The following PDE7B variants were observed in gnomAD, a reference collection of about 807,000 sequenced individuals.
PDE7B encodes 3',5'-cyclic-AMP phosphodiesterase 7B.
A neutral mutation model predicts 56.2 loss-of-function variants in PDE7B; 29 were observed. The ratio of observed to expected loss-of-function variants is 0.52; its 90% CI spans 0.38 to 0.70. PDE7B has a LOEUF of 0.70. Among genes scored for constraint, PDE7B ranks in the 30% least tolerant of loss-of-function variants. The probability of loss-of-function intolerance (pLI) is 0.00; values close to 1 mark genes in which losing one functional copy is unlikely to be tolerated. For synonymous variants in PDE7B, 197 were observed against 196.9 expected (o/e 1.00, Z 0.00); for missense variants, 490 against 565.0 (o/e 0.87, Z 1.35).
chr6:136,027,877 C>T (rs1776180692), intron 2 of PDE7B, among the ~76,000 whole-genome samples: 1 of 152,176 alleles, frequency 6.6e-6, no homozygotes, highest in Admixed American at 6.5e-5. Flanking sequence ...CTGCCTCAGC[C>T]TCCCAAAGTG....
At chr6:135,951,143 G>A (rs1273192931) in intron 2 of PDE7B, among the ~76,000 whole-genome samples, 2 of 152,184 alleles carry the variant, frequency 1.3e-5, no homozygotes, top group African/African-American at 2.4e-5. Flanking sequence ...TGTAATATAT[G>A]TTGCTTTCTT....
At chr6:136,171,899 G>C (rs540606432) in intron 8 of PDE7B, among the ~76,000 whole-genome samples, 108 of 149,894 alleles carry the variant, frequency 7.2e-4, no homozygotes, top group Non-Finnish European at 1.3e-3. Context: ...TTGGTTTTTT[G>C]TTCTTGCGAT....
intron 3 of PDE7B, among the ~76,000 whole-genome samples, chr6:136,124,048 T>C (rs1777981174): frequency 1.3e-5 from 2 of 152,182 alleles, no homozygotes; most frequent in Non-Finnish European, 2.9e-5. Flanking sequence ...GTTCTCACCA[T>C]CTTAAATCAC....
At chr6:135,877,072 T>G (rs1269645631) in intron 1 of PDE7B, among the ~76,000 whole-genome samples, 1 of 142,436 alleles carries the variant, frequency 7.0e-6, no homozygotes, top group Admixed American at 6.6e-5. Context: ...CATTTGTTCT[T>G]TAAAAAAAAA....
intron 3 of PDE7B, among the ~76,000 whole-genome samples, chr6:136,128,197 G>T (rs17065285): frequency 6.6e-6 from 1 of 152,196 alleles, no homozygotes; most frequent in Admixed American, 6.5e-5. Context: ...CTTAGCACCC[G>T]TGTGCAAATC....
chr6:136,055,142 C>G (rs1362749295), intron 2 of PDE7B, among the ~76,000 whole-genome samples: 1 of 152,196 alleles, frequency 6.6e-6, no homozygotes, highest in Non-Finnish European at 1.5e-5. Flanking sequence ...AAAGGCCAAT[C>G]TAAAATCATT....
intron 1 of PDE7B, among the ~76,000 whole-genome samples, chr6:135,920,575 A>C (rs1464735074): frequency 2.6e-5 from 4 of 152,204 alleles, no homozygotes; most frequent in Admixed American, 2.6e-4. Context: ...TTCCATTCCT[A>C]GAGCAAAGTC....
At chr6:136,037,956 AGAGAGAG>A in intron 2 of PDE7B, 1 of 1,214,010 alleles carries the variant, frequency 8.2e-7, no homozygotes, top group African/African-American at 1.6e-5. Flanking sequence ...ACTCAGTGCC[AGAGAGAG>A]GAGGGGAAAA....
At chr6:136,108,569 C>T (rs575363507) in intron 2 of PDE7B, among the ~76,000 whole-genome samples, 162 bp from the exon 3 acceptor site, 12 of 152,246 alleles carry the variant, frequency 7.9e-5, no homozygotes, top group Admixed American at 6.5e-4. Flanking sequence ...CCTCATTACA[C>T]TCAGTATTAA....
At chr6:136,092,050 T>C (rs1055441782) in intron 2 of PDE7B, among the ~76,000 whole-genome samples, 1 of 152,238 alleles carries the variant, frequency 6.6e-6, no homozygotes, top group Non-Finnish European at 1.5e-5. Context: ...TCCCCGATTA[T>C]CATCCTGTAG....
intron 1 of PDE7B, among the ~76,000 whole-genome samples, chr6:135,884,797 CCA>C (rs913364979): frequency 6.6e-5 from 10 of 152,236 alleles, no homozygotes; most frequent in African/African-American, 2.4e-4. Flanking sequence ...GAACTCAAAT[CCA>C]GTCTTTGTCT....
intron 1 of PDE7B, among the ~76,000 whole-genome samples, chr6:135,872,076 A>G (rs1775392967): frequency 6.6e-6 from 1 of 152,176 alleles, no homozygotes; most frequent in Non-Finnish European, 1.5e-5. Context: ...AGCTCTTCCA[A>G]TTTTTCCTAA....
rs186194756 is a variant in PDE7B at position 136,036,909 on chromosome 6, A to G, written c.83-71822A>G. ...ACCCAATTTGCTGGCAAAAGTGCCA[A>G]ATACAAAACTACCCTACTTTCGTTT... On this transcript the variant is annotated intron_variant, in intron 2 of 12. Coordinates refer to ENST00000308191, the MANE Select transcript of PDE7B (RefSeq NM_018945.4). Among the ~76,000 whole-genome samples the G allele has an allele frequency of 3.6e-4, 55 of 152,332 alleles. 2 individuals are homozygous for G. The Middle Eastern group carries it at 0.01, about 28-fold the overall frequency.
intron 2 of PDE7B, among the ~76,000 whole-genome samples, chr6:136,096,875 CTG>C (rs1380690646): frequency 1.3e-5 from 2 of 152,106 alleles, no homozygotes; most frequent in African/African-American, 4.8e-5. Flanking sequence ...CTCTCTCTCT[CTG>C]TGTCTCTCTC....
chr6:136,061,067 C>T (rs1776830141), intron 2 of PDE7B, among the ~76,000 whole-genome samples: 1 of 151,688 alleles, frequency 6.6e-6, no homozygotes, highest in South Asian at 2.1e-4. Flanking sequence ...TGGCTGGCAC[C>T]CTCTTTTATG....
At chr6:135,999,415 C>A (rs1583819637) in intron 2 of PDE7B, among the ~76,000 whole-genome samples, 1 of 152,070 alleles carries the variant, frequency 6.6e-6, no homozygotes, top group Non-Finnish European at 1.5e-5. Flanking sequence ...TCTCCCTCCT[C>A]TCACCTTCCA....
intron 8 of PDE7B, among the ~76,000 whole-genome samples, chr6:136,160,015 AT>A (rs923232475): frequency 8.5e-5 from 13 of 152,124 alleles, no homozygotes; most frequent in African/African-American, 3.1e-4. Flanking sequence ...AAAATACTTG[AT>A]AATTCAGGCA....
At chr6:136,086,494 T>C (rs1473700801) in intron 2 of PDE7B, among the ~76,000 whole-genome samples, 3 of 152,138 alleles carry the variant, frequency 2.0e-5, no homozygotes, top group African/African-American at 7.2e-5. Context: ...TTTTAAATAT[T>C]CCCTTATTCT....
Position 136,151,258 on chromosome 6 carries a change from A to G in PDE7B, c.478+3A>G. ...GGTGACCTTACACCGATTTTTAGGTAAGTCCTTTTTTTCACATTTCTAGCC... is the reference window on the plus strand; with the variant it reads ...GGTGACCTTACACCGATTTTTAGGTGAGTCCTTTTTTTCACATTTCTAGCC... On this transcript the variant is annotated splice_donor_region_variant and intron_variant, in intron 6 of 12. Coordinates refer to ENST00000308191, the MANE Select transcript of PDE7B (RefSeq NM_018945.4). 2 of 1,503,428 alleles carry G rather than the reference A, an allele frequency of 1.3e-6. No homozygotes were observed. The highest frequency in any genetic ancestry group is 1.9e-6 in the Non-Finnish European group (2 of 1,079,572). 93.1% of individuals were successfully genotyped at this position (1,503,428 alleles called of 1,614,324 possible).
Sources: allele counts gnomAD v4.1 joint callset (sites outside exome capture counted in the v4.1 genomes callset), GRCh38; gene constraint gnomAD v4.1.1; transcripts MANE v1.5; gene names NCBI Gene and HGNC (gene_info 2026-07-23, HGNC 2026-07-21).